The following GRID2 variants were observed in gnomAD, a reference collection of about 807,000 sequenced individuals.
GRID2 encodes glutamate ionotropic receptor delta type subunit 2, also known as glutamate receptor ionotropic, delta-2.
GRID2 carries 33 observed loss-of-function variants against 114.8 expected under a neutral mutation model. That is an observed-to-expected ratio of 0.29 (90% CI 0.22 to 0.38). The LOEUF (loss-of-function observed/expected upper bound fraction) is 0.38, where lower values mean the gene tolerates loss of function less well. Ranked by LOEUF, GRID2 falls within the 10% of genes least tolerant of loss-of-function variation. The pLI, the probability that GRID2 is intolerant of heterozygous loss-of-function variation, is 1.00. For synonymous variants in GRID2, 505 were observed against 449.9 expected, an observed-to-expected ratio of 1.12 and a Z score of -1.55; for missense variants, 1,184 against 1,257.7, an observed-to-expected ratio of 0.94 and a Z score of 0.89.
chr4:93,035,110 T>C (rs1724809346), intron 2 of GRID2, among the ~76,000 whole-genome samples: 1 of 151,138 alleles, frequency 6.6e-6, no homozygotes, highest in African/African-American at 2.4e-5. Context: ...GTCTGCTTTT[T>C]TTTTTTTTTT....
At chr4:92,754,466 C>A (rs2149341192) in intron 2 of GRID2, among the ~76,000 whole-genome samples, 1 of 152,148 alleles carries the variant, frequency 6.6e-6, no homozygotes, top group East Asian at 1.9e-4. Context: ...AGGTTCAAAC[C>A]CAAATCTTTC....
At chr4:92,367,843 T>C (rs1332598957) in intron 1 of GRID2, among the ~76,000 whole-genome samples, 1 of 152,144 alleles carries the variant, frequency 6.6e-6, no homozygotes, top group Non-Finnish European at 1.5e-5. Flanking sequence ...GATCTCTCAT[T>C]GGACTGCACA....
intron 4 of GRID2, among the ~76,000 whole-genome samples, chr4:93,191,606 G>A (rs952419570): frequency 6.6e-6 from 1 of 151,484 alleles, no homozygotes; most frequent in African/African-American, 2.4e-5. Flanking sequence ...ACTAAGTGTT[G>A]TTTTAAAAAA....
chr4:93,223,305 T>G (rs1484617565), intron 6 of GRID2, among the ~76,000 whole-genome samples: 4 of 152,168 alleles, frequency 2.6e-5, no homozygotes, highest in African/African-American at 9.7e-5. Flanking sequence ...CGTAATGCAT[T>G]GAGTGTTCAA....
chr4:93,422,783 GT>G lies in GRID2; in HGVS notation c.1361del (p.Val454GlyfsTer37). On this transcript the variant is annotated frameshift_variant, in exon 10 of 16. Transcript: ENST00000282020. LOFTEE classifies it high-confidence loss of function. ...RVVTVLEEPF[V>X]MVSENVLGKP... Reference sequence around the variant, plus strand: ...TATTTCCATGTAGGAAGAACCTTTTGTGATGGTCTCTGAAAATGTCTTGGGT... The same window carrying G: ...TATTTCCATGTAGGAAGAACCTTTTGGATGGTCTCTGAAAATGTCTTGGGT... 1.2e-6 allele frequency: 2 copies of G among 1,611,358 alleles called. No individual in the cohort carries two copies. The highest frequency in any genetic ancestry group is 1.7e-6 in the Non-Finnish European group (2 of 1,177,586).
At chr4:93,574,012 G>C (rs1385196087) in intron 13 of GRID2, among the ~76,000 whole-genome samples, 1 of 152,100 alleles carries the variant, frequency 6.6e-6, no homozygotes, top group Non-Finnish European at 1.5e-5. Flanking sequence ...TACTCAATAA[G>C]GATGCTATAA....
chr4:93,368,368 T>A (rs1331232119), intron 8 of GRID2, among the ~76,000 whole-genome samples: 3 of 151,816 alleles, frequency 2.0e-5, no homozygotes, highest in Non-Finnish European at 2.9e-5. Flanking sequence ...AGTTACATTC[T>A]TAACTATGGG....
At chr4:93,699,500 A>G (rs546656400) in intron 14 of GRID2, among the ~76,000 whole-genome samples, 1 of 152,284 alleles carries the variant, frequency 6.6e-6, no homozygotes, top group East Asian at 1.9e-4. Flanking sequence ...GAACACTTCC[A>G]TAAGATATTA....
intron 13 of GRID2, among the ~76,000 whole-genome samples, chr4:93,548,373 C>T (rs1733431381): frequency 1.3e-5 from 2 of 152,240 alleles, no homozygotes; most frequent in South Asian, 4.1e-4. Flanking sequence ...TAGCACCGGA[C>T]AGGGAACCAT....
At chr4:93,411,438 T>C (rs1461926448) in intron 9 of GRID2, among the ~76,000 whole-genome samples, 2 of 151,960 alleles carry the variant, frequency 1.3e-5, no homozygotes, top group Non-Finnish European at 2.9e-5. Context: ...TAGATTTTTT[T>C]TTTTTTGAGA....
intron 2 of GRID2, among the ~76,000 whole-genome samples, chr4:93,028,392 A>G (rs967795149): frequency 6.6e-6 from 1 of 152,014 alleles, no homozygotes; most frequent in Non-Finnish European, 1.5e-5. Context: ...GAACTGCAAA[A>G]CCAACGCTGC....
At chr4:93,404,329 T>A (rs1766200035) in intron 9 of GRID2, among the ~76,000 whole-genome samples, 1 of 152,102 alleles carries the variant, frequency 6.6e-6, no homozygotes, top group Admixed American at 6.6e-5. Flanking sequence ...ATTGCACATA[T>A]TTGCGAATAT....
chr4:92,730,506 A>C (rs925569257), intron 2 of GRID2, among the ~76,000 whole-genome samples: 1 of 151,912 alleles, frequency 6.6e-6, no homozygotes, highest in Non-Finnish European at 1.5e-5. Flanking sequence ...TTTTGTAGCC[A>C]TTTTCTTTAT....
At chr4:93,526,064 A>G (rs1331168868) in intron 13 of GRID2, among the ~76,000 whole-genome samples, 1 of 152,166 alleles carries the variant, frequency 6.6e-6, no homozygotes, top group East Asian at 1.9e-4. Context: ...TACTGATACC[A>G]TTTGGCTCTG....
At position 92,571,787 on chromosome 4, in the gene GRID2, G is replaced by T. The variant is rs990959337; in HGVS notation, c.89-18344G>T. Among the ~76,000 whole-genome samples, 4 of 152,030 alleles carry T rather than the reference G, an allele frequency of 2.6e-5. No homozygotes were observed. The East Asian group carries it at 5.8e-4, about 22-fold the overall frequency. On this transcript the variant is annotated intron_variant, in intron 1 of 15. Transcript: ENST00000282020. ...ACAACCTGCTCCTGAATGACTACTG[G>T]GTACATAACAAAATGAAGGCAGAAA...
intron 2 of GRID2, among the ~76,000 whole-genome samples, chr4:92,659,214 C>A (rs1240278544): frequency 6.6e-6 from 1 of 151,672 alleles, no homozygotes; most frequent in Non-Finnish European, 1.5e-5. Flanking sequence ...TGAGTGTTAG[C>A]ACCTTCAAAG....
At chr4:93,606,963 A>G (rs1333500961) in intron 13 of GRID2, among the ~76,000 whole-genome samples, 2 of 152,214 alleles carry the variant, frequency 1.3e-5, no homozygotes, top group Non-Finnish European at 2.9e-5. Flanking sequence ...TTGACTATGT[A>G]TAAATTAGGC....
intron 13 of GRID2, among the ~76,000 whole-genome samples, chr4:93,535,909 C>T (rs1732015561): frequency 6.6e-6 from 1 of 151,868 alleles, no homozygotes; most frequent in Admixed American, 6.6e-5. Flanking sequence ...GATGTAATCC[C>T]ATTTGTTTAC....
At chr4:93,691,366 A>C (rs1162404664) in intron 14 of GRID2, among the ~76,000 whole-genome samples, 1 of 152,068 alleles carries the variant, frequency 6.6e-6, no homozygotes, top group Non-Finnish European at 1.5e-5. Context: ...TGTGGTCAAT[A>C]GGTCTAGACA....
Sources: gnomAD v4.1 joint callset for allele counts (sites outside exome capture counted in the v4.1 genomes callset) on GRCh38, gnomAD v4.1.1 for gene constraint, MANE v1.5 for transcripts, NCBI Gene and HGNC (gene_info 2026-07-23, HGNC 2026-07-21) for gene names.